SNCAIP: variants seen among roughly 807,000 people sequenced by gnomAD.
SNCAIP encodes the protein synphilin-1.
In SNCAIP, 43 loss-of-function variants were observed where a neutral mutation model predicts 86.7. That is an observed-to-expected ratio of 0.50 (90% confidence interval 0.39 to 0.64). The LOEUF is 0.64. SNCAIP is among the 30% of genes least tolerant of loss of function. The probability of loss-of-function intolerance (pLI) is 0.00; values close to 1 mark genes in which losing one functional copy is unlikely to be tolerated. For missense variants in SNCAIP, 981 were observed against 1,103.1 expected, an observed-to-expected ratio of 0.89 and a Z score of 1.57; for synonymous variants, 417 against 427.2, an observed-to-expected ratio of 0.98 and a Z score of 0.29.
intron 1 of SNCAIP, among the ~76,000 whole-genome samples, chr5:122,357,737 G>A (rs949217729): frequency 2.6e-5 from 4 of 151,728 alleles, no homozygotes; most frequent in African/African-American, 9.7e-5. Flanking sequence ...ATAGCCACTA[G>A]CCACATGTGG....
At chr5:122,383,756 C>CAAT (rs1767497933) in intron 1 of SNCAIP, among the ~76,000 whole-genome samples, 1 of 152,168 alleles carries the variant, frequency 6.6e-6, no homozygotes, top group South Asian at 2.1e-4. Context: ...ACAAAAAGAC[C>CAAT]AATCCTTACA....
In SNCAIP at chr5:122,464,111, G is replaced by A. The variant is rs1241772762; in HGVS notation, c.*615G>A. ...AAATCTGTGATGTTCTGATTTCTAA[G>A]GGACTTTGCAAGTATTTTGATTGCT... On this transcript the variant is annotated 3_prime_UTR_variant, in exon 11 of 11. Coordinates refer to ENST00000261368, the MANE Select transcript of SNCAIP (RefSeq NM_005460.4). 6.6e-6 allele frequency: 1 copy of A among 152,182 alleles called. No individual in the cohort carries two copies. Among genetic ancestry groups the A allele is most frequent in the Non-Finnish European group, 1.5e-5 (1 of 68,042 alleles). The allele number at this position is 152,182 out of a possible 1,614,324, so 9.4% of individuals were successfully genotyped here.
chr5:122,396,508 A>G (rs1447364078), intron 2 of SNCAIP, among the ~76,000 whole-genome samples: 2 of 152,218 alleles, frequency 1.3e-5, no homozygotes. Flanking sequence ...AGAAATTATT[A>G]GATTGACTAT....
At chr5:122,334,045 G>C (rs935588376) in intron 1 of SNCAIP, among the ~76,000 whole-genome samples, 10 of 152,154 alleles carry the variant, frequency 6.6e-5, no homozygotes, top group Non-Finnish European at 1.2e-4. Flanking sequence ...ATCAAATCAT[G>C]AGTCAAACAA....
At chr5:122,382,686 G>T (rs1230110734) in intron 1 of SNCAIP, among the ~76,000 whole-genome samples, 3 of 151,980 alleles carry the variant, frequency 2.0e-5, no homozygotes, top group Admixed American at 2.0e-4. Flanking sequence ...ATCTACTTTT[G>T]GTCTTTGATG....
chr5:122,434,326 A>G lies in SNCAIP; in HGVS notation c.1296+2244A>G, dbSNP rs184438263. ...AGGGCTGTTCTGAGACTCTAAGTAA[A>G]TAATTGGGCATTCGGCATGCTTTGT... On this transcript the variant is annotated intron_variant, in intron 6 of 10. Transcript: ENST00000261368. Among the ~76,000 whole-genome samples, 10 of 152,320 alleles carry G rather than the reference A, an allele frequency of 6.6e-5. No homozygotes were observed. The East Asian group carries it at 1.9e-3, about 29-fold the overall frequency.
intron 1 of SNCAIP, among the ~76,000 whole-genome samples, chr5:122,367,090 A>C: frequency 6.6e-6 from 1 of 152,088 alleles, no homozygotes; most frequent in East Asian, 1.9e-4. Context: ...GCTGAGGTTG[A>C]TGGTATTGTC....
At chr5:122,350,744 A>G (rs1167049550) in intron 1 of SNCAIP, among the ~76,000 whole-genome samples, 1 of 152,218 alleles carries the variant, frequency 6.6e-6, no homozygotes, top group Non-Finnish European at 1.5e-5. Flanking sequence ...AACTGCCTGC[A>G]GGCTGCTTTG....
intron 1 of SNCAIP, among the ~76,000 whole-genome samples, chr5:122,313,710 T>C (rs1197395451): frequency 6.6e-6 from 1 of 152,186 alleles, no homozygotes; most frequent in African/African-American, 2.4e-5. Context: ...ATGGTTAGAG[T>C]ACAAGGAGAC....
chr5:122,357,359 C>T (rs1043205922), intron 1 of SNCAIP, among the ~76,000 whole-genome samples: 5 of 152,054 alleles, frequency 3.3e-5, no homozygotes, highest in Non-Finnish European at 7.4e-5. Context: ...CCTCAGCCTC[C>T]CGAGTAGCTA....
At chr5:122,418,774 G>C (rs181518701) in intron 3 of SNCAIP, among the ~76,000 whole-genome samples, 113 of 152,298 alleles carry the variant, frequency 7.4e-4, no homozygotes, top group African/African-American at 2.6e-3. Context: ...ATATTGCAGG[G>C]ATATGCACCC....
chr5:122,453,760 T>C (rs1027106222), intron 10 of SNCAIP, among the ~76,000 whole-genome samples: 1 of 93,832 alleles, frequency 1.1e-5, no homozygotes. Context: ...GACTATCACT[T>C]TTTTTTTTTT....
At chr5:122,409,894 A>G (rs1041349716) in intron 3 of SNCAIP, among the ~76,000 whole-genome samples, 3 of 152,222 alleles carry the variant, frequency 2.0e-5, no homozygotes, top group African/African-American at 7.2e-5. Flanking sequence ...GAAGGTTGGT[A>G]TGGCAGTTTG....
chr5:122,320,658 C>T (rs895304072), intron 1 of SNCAIP, among the ~76,000 whole-genome samples: 4 of 152,132 alleles, frequency 2.6e-5, no homozygotes, highest in South Asian at 4.1e-4. Context: ...TTTCCGAAAA[C>T]TTAGTTGACA....
At chr5:122,425,588 G>A in intron 5 of SNCAIP, 57 bp downstream of exon 5, 1 of 1,418,750 alleles carries the variant, frequency 7.0e-7, no homozygotes, top group Non-Finnish European at 1.0e-6. Context: ...TATTTTTTAA[G>A]ATTCCTTGTG....
intron 1 of SNCAIP, among the ~76,000 whole-genome samples, chr5:122,329,431 A>G (rs1754815675): frequency 6.6e-6 from 1 of 152,184 alleles, no homozygotes; most frequent in Non-Finnish European, 1.5e-5. Flanking sequence ...GCCTTGCCTT[A>G]TTTAGTTGTT....
intron 3 of SNCAIP, among the ~76,000 whole-genome samples, chr5:122,418,569 C>T (rs763290227): frequency 7.9e-5 from 12 of 152,230 alleles, no homozygotes; most frequent in African/African-American, 1.7e-4. Flanking sequence ...TGCTTATGAA[C>T]GTCTCTGAGC....
At chr5:122,316,084 C>CA (rs1751658293) in intron 1 of SNCAIP, among the ~76,000 whole-genome samples, 1 of 152,146 alleles carries the variant, frequency 6.6e-6, no homozygotes, top group Admixed American at 6.5e-5. Flanking sequence ...AATTGAATGT[C>CA]AAAGTACTTT....
chr5:122,337,916 T>G (rs1286953611), intron 1 of SNCAIP, among the ~76,000 whole-genome samples: 1 of 152,240 alleles, frequency 6.6e-6, no homozygotes, highest in Non-Finnish European at 1.5e-5. Context: ...AATAGGGTAC[T>G]GCTTGTGTCA....
Sources: allele counts gnomAD v4.1 joint callset (sites outside exome capture counted in the v4.1 genomes callset), GRCh38; gene constraint gnomAD v4.1.1; transcripts MANE v1.5; gene names NCBI Gene and HGNC (gene_info 2026-07-23, HGNC 2026-07-21).